GABRB3: variants seen among roughly 807,000 people sequenced by gnomAD.
GABRB3 encodes gamma-aminobutyric acid type A receptor subunit beta3.
A neutral mutation model predicts 52.1 loss-of-function variants in GABRB3; 14 were observed. The ratio of observed to expected loss-of-function variants is 0.27; its 90% CI spans 0.18 to 0.42. The LOEUF (loss-of-function observed/expected upper bound fraction) is 0.42, where lower values mean the gene tolerates loss of function less well. GABRB3 is among the 10% of genes least tolerant of loss of function. The probability of loss-of-function intolerance (pLI) is 1.00; values close to 1 mark genes in which losing one functional copy is unlikely to be tolerated. For missense variants in GABRB3, 307 were observed against 609.1 expected, an observed-to-expected ratio of 0.50 and a Z score of 5.22; for synonymous variants, 260 against 232.3, an observed-to-expected ratio of 1.12 and a Z score of -1.08.
At chr15:26,655,731 G>T in intron 3 of GABRB3, among the ~76,000 whole-genome samples, 1 of 146,568 alleles carries the variant, frequency 6.8e-6, no homozygotes, top group Admixed American at 6.8e-5. Context: ...GACACAGCGA[G>T]ACTCTGTCTC....
intron 3 of GABRB3, among the ~76,000 whole-genome samples, chr15:26,724,924 G>A (rs60746076): frequency 0.023 from 3,487 of 152,178 alleles, 122 homozygotes; most frequent in African/African-American, 0.078. Flanking sequence ...AACCCTTTAT[G>A]AGAAATAAAG....
chr15:26,726,515 C>T (rs1347416931), intron 3 of GABRB3, among the ~76,000 whole-genome samples: 1 of 152,182 alleles, frequency 6.6e-6, no homozygotes, highest in Non-Finnish European at 1.5e-5. Context: ...TGGACACTTC[C>T]TCAATCTGTC....
At chr15:26,699,504 C>G (rs1468930057) in intron 3 of GABRB3, among the ~76,000 whole-genome samples, 1 of 148,256 alleles carries the variant, frequency 6.7e-6, no homozygotes, top group South Asian at 2.1e-4. Context: ...AAAAAAAAAA[C>G]TCAAAACTTT....
At chr15:26,609,630 C>T (rs575105125) in intron 4 of GABRB3, among the ~76,000 whole-genome samples, 1 of 152,106 alleles carries the variant, frequency 6.6e-6, no homozygotes, top group East Asian at 1.9e-4. Flanking sequence ...TATAGTGTCA[C>T]ATAATAAAAT....
rs1001450333 is a variant in GABRB3 at position 26,586,276 on chromosome 15, C to T, written c.462-2862G>A. 3.9e-5 allele frequency among the ~76,000 whole-genome samples: 6 copies of T among 152,028 alleles called. 1 individual carries two copies. Among genetic ancestry groups the T allele is most frequent in the Admixed American group, 3.3e-4 (5 of 15,256 alleles). On this transcript the variant is annotated intron_variant, in intron 4 of 8. Transcript: ENST00000311550. ...TCTCCTAAAGTGCTGGGATTACAGG[C>T]GTGAGCCACCGCGCCTGGCTTAATT...
chr15:26,557,107 A>T (rs745427615), intron 8 of GABRB3, among the ~76,000 whole-genome samples: 1 of 152,224 alleles, frequency 6.6e-6, no homozygotes, highest in Admixed American at 6.5e-5. Context: ...CATAAAAAGA[A>T]GATCATGTCC....
intron 3 of GABRB3, among the ~76,000 whole-genome samples, chr15:26,684,725 A>C (rs780871905): frequency 6.6e-6 from 1 of 152,136 alleles, no homozygotes; most frequent in Non-Finnish European, 1.5e-5. Context: ...AGAAAGAGAG[A>C]GACGGTTGGT....
intron 3 of GABRB3, among the ~76,000 whole-genome samples, chr15:26,752,695 T>C (rs1482647204): frequency 6.6e-6 from 1 of 152,194 alleles, no homozygotes; most frequent in African/African-American, 2.4e-5. Context: ...CGAATGAATA[T>C]ATCCATCACC....
At chr15:26,583,444 A>T (rs1012167904) in intron 4 of GABRB3, 30 bp from the exon 5 acceptor site, 6 of 1,569,786 alleles carry the variant, frequency 3.8e-6, no homozygotes, top group Non-Finnish European at 5.3e-6. Flanking sequence ...GGAAGATATT[A>T]AAGAAGGGCT....
chr15:26,675,490 A>G (rs1888039201), intron 3 of GABRB3, among the ~76,000 whole-genome samples: 1 of 152,156 alleles, frequency 6.6e-6, no homozygotes, highest in Non-Finnish European at 1.5e-5. Context: ...AGAGGTAAGC[A>G]GTGTTAAAAA....
intron 3 of GABRB3, among the ~76,000 whole-genome samples, chr15:26,740,874 A>C (rs999197937): frequency 2.0e-5 from 3 of 151,882 alleles, no homozygotes; most frequent in African/African-American, 7.3e-5. Flanking sequence ...GCCATAAGAC[A>C]CCTCCCAGGT....
intron 4 of GABRB3, chr15:26,612,051 G>T (rs1355446995): frequency 6.6e-6 from 1 of 152,166 alleles, no homozygotes; most frequent in Non-Finnish European, 1.5e-5. Flanking sequence ...ATGCATAGTG[G>T]TGTTGGTGGA....
chr15:26,552,008 C>CTTT lies in GABRB3; in HGVS notation c.1081-3877_1081-3875dup, dbSNP rs745331256. On this transcript the variant is annotated intron_variant, in intron 8 of 8. Coordinates refer to ENST00000311550, the MANE Select transcript of GABRB3 (RefSeq NM_000814.6). ...ATGTCAGACCTTGGTGAAATTTTGA[C>CTTT]TTTTTTTTTTTTTTTGAGATAGAGT... Among the ~76,000 whole-genome samples the CTTT allele has an allele frequency of 6.4e-5, 9 of 141,460 alleles. 2 individuals are homozygous for CTTT. In the South Asian group the frequency reaches 2.0e-3, roughly 32 times the overall value. The allele number at this position is 141,460 out of a possible 152,430, so 92.8% of individuals were successfully genotyped here. A position where few individuals can be genotyped will look rare whatever the true frequency, so the allele number is the denominator to read the frequency against.
At chr15:26,680,922 A>G (rs1181329423) in intron 3 of GABRB3, among the ~76,000 whole-genome samples, 1 of 152,146 alleles carries the variant, frequency 6.6e-6, no homozygotes, top group Non-Finnish European at 1.5e-5. Context: ...GCTGCTTGCT[A>G]GAAAAAAGGA....
chr15:26,718,346 ATT>A (rs1246927007), intron 3 of GABRB3, among the ~76,000 whole-genome samples: 1 of 151,914 alleles, frequency 6.6e-6, no homozygotes, highest in African/African-American at 2.4e-5. Flanking sequence ...AGTAGTTGGG[ATT>A]ATAGGCATGC....
chr15:26,689,869 G>A (rs1888528959), intron 3 of GABRB3, among the ~76,000 whole-genome samples: 1 of 152,114 alleles, frequency 6.6e-6, no homozygotes, highest in African/African-American at 2.4e-5. Context: ...AGGGAGGGAC[G>A]ATAACGAGGC....
intron 4 of GABRB3, among the ~76,000 whole-genome samples, chr15:26,601,161 C>A (rs1042550418): frequency 2.0e-5 from 3 of 152,096 alleles, no homozygotes; most frequent in Non-Finnish European, 4.4e-5. Context: ...CAGTGGCTCA[C>A]AACTGTAAGC....
In GABRB3 at chr15:26,548,083, T is replaced by C; in HGVS notation, c.1132A>G (p.Met378Val). The change falls in exon 9 of 9, where the codon ATG (methionine) becomes GTG (valine). Residue 378 changes from methionine (M) to valine (V), a missense_variant. Met to Val is a conservative substitution (Grantham distance 21). Around this residue, in one of 6 missense-constraint regions of GABRB3, gnomAD observed 115 missense variants for 166.9 expected, o/e 0.69. Coordinates refer to ENST00000311550, the MANE Select transcript of GABRB3 (RefSeq NM_000814.6). The stretch of plus-strand genomic sequence containing the variant: ...CCAATGCCGCCTGAGACCTCATTCA[T>C]TTCATTGTGAACTTCCAGCGATGTC... ...LLTSLEVHNE[M>V]NEVSGGIGDT... The C allele has an allele frequency of 6.2e-7, 1 of 1,614,212 alleles. No homozygotes were observed. Among genetic ancestry groups the C allele is most frequent in the Non-Finnish European group, 8.5e-7 (1 of 1,180,048 alleles).
intron 3 of GABRB3, among the ~76,000 whole-genome samples, chr15:26,753,972 G>A (rs1434123812): frequency 6.6e-6 from 1 of 152,170 alleles, no homozygotes; most frequent in South Asian, 2.1e-4. Context: ...TGGTGAAGAC[G>A]ATGAAGATAA....
Sources: allele counts gnomAD v4.1 joint callset (sites outside exome capture counted in the v4.1 genomes callset), GRCh38; gene constraint gnomAD v4.1.1; regional missense constraint gnomAD v4.1.1; transcripts MANE v1.5; gene names NCBI Gene and HGNC (gene_info 2026-07-23, HGNC 2026-07-21).